Variants in NDST4 observed in about 807,000 individuals in gnomAD.
NDST4 encodes the protein N-heparan sulfate sulfotransferase 4.
NDST4 carries 63 observed loss-of-function variants against 100.8 expected under a neutral mutation model. The ratio of observed to expected loss-of-function variants is 0.62; its 90% CI spans 0.51 to 0.77. The LOEUF is 0.77. Ranked by LOEUF, NDST4 falls within the 30% of genes least tolerant of loss-of-function variation. The pLI, the probability that NDST4 is intolerant of heterozygous loss-of-function variation, is 0.00. For missense variants in NDST4, 943 were observed against 1,018.4 expected (o/e 0.93, Z 1.01); for synonymous variants, 377 against 361.8 (o/e 1.04, Z -0.48).
chr4:114,859,607 T>C lies in NDST4; in HGVS notation c.1720-6786A>G, dbSNP rs1392818013. Among the ~76,000 whole-genome samples the C allele has an allele frequency of 5.3e-5, 8 of 152,288 alleles. 1 individual carries two copies. Among genetic ancestry groups the C allele is most frequent in the Admixed American group, 3.3e-4 (5 of 15,298 alleles). The stretch of plus-strand genomic sequence containing the variant: ...GCTGCTATTGCCCCCAGCTAGGGGA[T>C]TGAGAATTCTCCCCGGCTAATAGAA... On this transcript the variant is annotated intron_variant, in intron 7 of 13. Coordinates refer to ENST00000264363, the MANE Select transcript of NDST4 (RefSeq NM_022569.3).
At chr4:115,078,535 G>C (rs976852122) in intron 1 of NDST4, among the ~76,000 whole-genome samples, 1 of 152,094 alleles carries the variant, frequency 6.6e-6, no homozygotes, top group Non-Finnish European at 1.5e-5. Context: ...TGGATCTGTG[G>C]AACTTGAACT....
intron 2 of NDST4, among the ~76,000 whole-genome samples, chr4:115,026,952 C>T (rs1243771056): frequency 6.6e-6 from 1 of 152,106 alleles, no homozygotes; most frequent in African/African-American, 2.4e-5. Context: ...AGAATGATGG[C>T]TTCTGTTCTC....
intron 6 of NDST4, among the ~76,000 whole-genome samples, chr4:114,931,104 AT>A (rs1162454777): frequency 5.9e-5 from 9 of 152,042 alleles, no homozygotes; most frequent in Middle Eastern, 3.2e-3. Flanking sequence ...TATGGGCCTA[AT>A]AGGCTCCTCT....
intron 1 of NDST4, among the ~76,000 whole-genome samples, chr4:115,090,752 T>C (rs1407066162): frequency 3.3e-5 from 5 of 152,088 alleles, no homozygotes; most frequent in Non-Finnish European, 7.4e-5. Context: ...GACAGGTTAC[T>C]AAACTAAAGA....
rs902961526 is a variant in NDST4 at position 114,969,329 on chromosome 4, A to G, written c.1221+1101T>C. 9.4e-4 allele frequency among the ~76,000 whole-genome samples: 142 copies of G among 150,804 alleles called. 2 individuals are homozygous for G. The highest frequency in any genetic ancestry group is 2.2e-3 in the Admixed American group (34 of 15,164). ...ACTCCGTCTCAAAAAAAGAAAAAAAAAAAAAAAAAAAAAAAAAAGTTCAGG... is the reference window on the plus strand; with the variant it reads ...ACTCCGTCTCAAAAAAAGAAAAAAAGAAAAAAAAAAAAAAAAAAGTTCAGG... On this transcript the variant is annotated intron_variant, in intron 4 of 13. Coordinates refer to ENST00000264363, the MANE Select transcript of NDST4 (RefSeq NM_022569.3).
intron 7 of NDST4, among the ~76,000 whole-genome samples, chr4:114,857,096 T>C (rs565039673): frequency 1.3e-5 from 2 of 152,306 alleles, no homozygotes; most frequent in East Asian, 1.9e-4. Flanking sequence ...AGATTCATGA[T>C]ACTATGGCAT....
At chr4:115,048,489 A>C (rs75579201) in intron 2 of NDST4, among the ~76,000 whole-genome samples, 6,948 of 152,190 alleles carry the variant, frequency 0.046, 467 homozygotes, top group African/African-American at 0.14. Context: ...TTTGCAGATT[A>C]TTGCATTTTG....
At chr4:115,028,179 A>G (rs1198916922) in intron 2 of NDST4, among the ~76,000 whole-genome samples, 1 of 152,158 alleles carries the variant, frequency 6.6e-6, no homozygotes, top group Non-Finnish European at 1.5e-5. Context: ...AAGAGATATA[A>G]TCAGTGATAA....
At chr4:115,078,034 A>G (rs543976481) in intron 1 of NDST4, among the ~76,000 whole-genome samples, 1 of 152,358 alleles carries the variant, frequency 6.6e-6, no homozygotes, top group South Asian at 2.1e-4. Context: ...TTTATCCAAG[A>G]ATCAGATGTT....
intron 2 of NDST4, among the ~76,000 whole-genome samples, chr4:115,050,583 A>G (rs980755746): frequency 6.6e-6 from 1 of 152,136 alleles, no homozygotes; most frequent in African/African-American, 2.4e-5. Flanking sequence ...CAAAGAAGTA[A>G]TAACTTTGTT....
At chr4:114,851,769 T>C (rs1723680278) in intron 8 of NDST4, among the ~76,000 whole-genome samples, 1 of 152,174 alleles carries the variant, frequency 6.6e-6, no homozygotes, top group Non-Finnish European at 1.5e-5. Flanking sequence ...TCCCTGCACA[T>C]GTGTTAACTT....
chr4:114,872,509 T>C (rs762388577), intron 6 of NDST4, among the ~76,000 whole-genome samples: 21 of 152,064 alleles, frequency 1.4e-4, no homozygotes, highest in Admixed American at 6.6e-4. Flanking sequence ...ACTAGAATAC[T>C]GAAAAAAATA....
chr4:115,022,838 C>T (rs756524372), intron 2 of NDST4, among the ~76,000 whole-genome samples: 3 of 152,138 alleles, frequency 2.0e-5, no homozygotes, highest in Non-Finnish European at 4.4e-5. Context: ...GCTCTCTTTG[C>T]CTGCTGCCAT....
chr4:114,984,988 T>C (rs989114309), intron 2 of NDST4, among the ~76,000 whole-genome samples: 2 of 152,218 alleles, frequency 1.3e-5, no homozygotes, highest in African/African-American at 4.8e-5. Context: ...TGCTATAATG[T>C]ATACATTAAC....
chr4:115,082,955 A>G (rs1451401362), intron 1 of NDST4, among the ~76,000 whole-genome samples: 1 of 152,192 alleles, frequency 6.6e-6, no homozygotes. Context: ...AATTAAATTG[A>G]TTTGAAAGAG....
At chr4:115,075,641 C>T (rs145410158) in intron 2 of NDST4, among the ~76,000 whole-genome samples, 13 of 152,028 alleles carry the variant, frequency 8.6e-5, no homozygotes, top group African/African-American at 3.1e-4. Flanking sequence ...AAAAATTAGC[C>T]AGACGTGGTG....
intron 6 of NDST4, among the ~76,000 whole-genome samples, chr4:114,934,072 TA>T (rs1375344170): frequency 1.3e-5 from 2 of 152,176 alleles, no homozygotes; most frequent in African/African-American, 4.8e-5. Flanking sequence ...CACAGTAGCC[TA>T]AACATGGAAT....
At chr4:115,094,875 G>C (rs995831138) in intron 1 of NDST4, among the ~76,000 whole-genome samples, 3 of 59,122 alleles carry the variant, frequency 5.1e-5, no homozygotes, top group African/African-American at 3.6e-4. Flanking sequence ...TTGTCACTTT[G>C]ATCTAGAACT....
At chr4:115,079,581 T>C (rs531995820) in intron 1 of NDST4, among the ~76,000 whole-genome samples, 1 of 152,250 alleles carries the variant, frequency 6.6e-6, no homozygotes, top group African/African-American at 2.4e-5. Context: ...TGGGTGAAAA[T>C]AGTTCATGTT....
Sources: gnomAD v4.1 joint callset for allele counts (sites outside exome capture counted in the v4.1 genomes callset) on GRCh38, gnomAD v4.1.1 for gene constraint, MANE v1.5 for transcripts, NCBI Gene and HGNC (gene_info 2026-07-23, HGNC 2026-07-21) for gene names.